Variants in LAMA4 observed in about 807,000 individuals in gnomAD.
LAMA4 encodes the protein laminin subunit alpha-4.
In LAMA4, 127 loss-of-function variants were observed where a neutral mutation model predicts 207.1. The observed-to-expected ratio is 0.61, with a 90% CI of 0.53 to 0.71. The LOEUF (loss-of-function observed/expected upper bound fraction) is 0.71. Among genes scored for constraint, LAMA4 ranks in the 30% least tolerant of loss-of-function variants. The pLI is 0.00. For synonymous variants in LAMA4, 761 were observed against 816.0 expected (o/e 0.93, Z 1.15); for missense variants, 2,093 against 2,246.5 (o/e 0.93, Z 1.38).
intron 14 of LAMA4, among the ~76,000 whole-genome samples, chr6:112,157,194 AT>A (rs1250325998): frequency 6.6e-6 from 1 of 152,120 alleles, no homozygotes. Flanking sequence ...ACAAGAAAAC[AT>A]TTTTTAAAAA....
In LAMA4 at chr6:112,158,845, G is replaced by A. The variant is rs1359737542; in HGVS notation, c.1704C>T (p.Ala568=). ...ASGIYAEIDG[A]KSELQVKLSN... ...ATAGTTTTACTTGTAGTTCACTTTT[G>A]GCTCCATCTATTTCTGCATAAATCC... Residue 568 remains alanine, a synonymous_variant, in exon 14 of 39, where the codon GCC becomes GCT. Transcript: ENST00000230538. 1.2e-6 allele frequency: 2 copies of A among 1,612,026 alleles called. No individual in the cohort carries two copies. Among genetic ancestry groups the A allele is most frequent in the Non-Finnish European group, 1.7e-6 (2 of 1,178,488 alleles).
intron 19 of LAMA4, among the ~76,000 whole-genome samples, chr6:112,142,901 G>C (rs1402619325): frequency 2.0e-5 from 3 of 152,162 alleles, no homozygotes; most frequent in Non-Finnish European, 4.4e-5. Flanking sequence ...TTTGTTGTGA[G>C]CATGAAATAC....
At chr6:112,250,546 C>T (rs980305566) in intron 2 of LAMA4, among the ~76,000 whole-genome samples, 15 of 152,120 alleles carry the variant, frequency 9.9e-5, no homozygotes, top group Non-Finnish European at 1.9e-4. Context: ...CCTCTTTTCC[C>T]CTCTGAGGGG....
intron 2 of LAMA4, among the ~76,000 whole-genome samples, chr6:112,250,577 G>T (rs1215336129): frequency 4.6e-5 from 7 of 152,170 alleles, no homozygotes; most frequent in African/African-American, 1.7e-4. Flanking sequence ...ACAACTCAAT[G>T]TTGTCAATTG....
chr6:112,148,226 A>C lies in LAMA4; in HGVS notation c.2284T>G (p.Trp762Gly). The change falls in exon 18 of 39, where the codon TGG becomes GGG. Residue 762 changes from tryptophan to glycine, a missense_variant. Physicochemically the swap from Trp to Gly is radical, Grantham distance 184 (BLOSUM62 -2). Around this residue, in one of 3 missense-constraint regions of LAMA4, gnomAD observed 1,704 missense variants for 1,788.4 expected, o/e 0.95. Transcript: ENST00000230538. ...TAPMANNLTN[W>G]SQNLQHFDSS... ...TCAAAATGTTGAAGATTCTGTGACC[A>C]GTTGGTTAGATTGTTGGCCATGGGG... 1 of 1,614,188 alleles carries C rather than the reference A, an allele frequency of 6.2e-7. No homozygotes were observed. Among genetic ancestry groups the C allele is most frequent in the Non-Finnish European group, 8.5e-7 (1 of 1,180,028 alleles).
intron 22 of LAMA4, among the ~76,000 whole-genome samples, chr6:112,140,539 G>T (rs1779629795): frequency 6.6e-6 from 1 of 152,166 alleles, no homozygotes; most frequent in Non-Finnish European, 1.5e-5. Flanking sequence ...CTGATCTTCA[G>T]GAGTTAGCTA....
intron 19 of LAMA4, among the ~76,000 whole-genome samples, chr6:112,144,270 T>C (rs1779883102): frequency 6.6e-6 from 1 of 152,250 alleles, no homozygotes; most frequent in South Asian, 2.1e-4. Context: ...TTTATTCCTC[T>C]TAGCCAGTAT....
At chr6:112,122,334 T>TC (rs1320098334) in intron 31 of LAMA4, 133 bp from the exon 32 acceptor site, 1 of 693,630 alleles carries the variant, frequency 1.4e-6, no homozygotes, top group Non-Finnish European at 2.5e-6. Context: ...GAACATTAGG[T>TC]CCCCTCTCTT....
Position 112,128,955 on chromosome 6 carries a change from A to T in LAMA4, c.4254T>A (p.Asn1418Lys), listed in dbSNP as rs782027854. The T allele has an allele frequency of 5.6e-6, 9 of 1,613,310 alleles. No homozygotes were observed. The Admixed American group carries it at 1.0e-4, about 18-fold the overall frequency. ...TCTGACTTGCTTTAGGCTTGGATAA[A>T]TTTTTTCCTTTTTTATGGAGGAGAA... ...PLFLLHKKGKNLSKPKASQNK... is the reference protein window; with the variant it reads ...PLFLLHKKGKKLSKPKASQNK... The change falls in exon 31 of 39, where the codon AAT becomes AAA. Residue 1418 changes from asparagine to lysine, a missense_variant. Physicochemically the swap from Asn to Lys is moderately conservative, Grantham distance 94. Transcript: ENST00000230538.
At chr6:112,152,800 G>C (rs1470407755) in intron 16 of LAMA4, among the ~76,000 whole-genome samples, 4 of 151,980 alleles carry the variant, frequency 2.6e-5, no homozygotes, top group African/African-American at 9.7e-5. Flanking sequence ...TGGGTAGTGT[G>C]AAGAATTTGC....
intron 8 of LAMA4, among the ~76,000 whole-genome samples, chr6:112,185,702 G>A (rs1335450337): frequency 6.6e-6 from 1 of 152,230 alleles, no homozygotes; most frequent in Admixed American, 6.5e-5. Context: ...AGGTCTGGAA[G>A]AACTGACCAA....
intron 21 of LAMA4, among the ~76,000 whole-genome samples, 199 bp downstream of exon 21, chr6:112,141,159 T>C (rs1270128573): frequency 6.6e-6 from 1 of 152,230 alleles, no homozygotes; most frequent in Non-Finnish European, 1.5e-5. Flanking sequence ...GACTTTTTTT[T>C]TTCTTTCCTA....
chr6:112,142,078 C>T, intron 20 of LAMA4, 41 bp downstream of exon 20: 1 of 1,609,632 alleles, frequency 6.2e-7, no homozygotes, highest in East Asian at 2.2e-5. Context: ...AGCAGCTTTC[C>T]TTGTAAATAT....
intron 3 of LAMA4, among the ~76,000 whole-genome samples, chr6:112,215,756 CGCACAAG>C (rs1784589318): frequency 6.6e-6 from 1 of 152,240 alleles, no homozygotes; most frequent in African/African-American, 2.4e-5. Flanking sequence ...CTCAATCTTT[CGCACAAG>C]GCTCTATCAT....
intron 24 of LAMA4, among the ~76,000 whole-genome samples, chr6:112,136,898 C>A (rs1438163836): frequency 2.6e-5 from 4 of 152,000 alleles, no homozygotes; most frequent in African/African-American, 9.7e-5. Context: ...TATTCAACTG[C>A]CTTGTCTTTA....
At chr6:112,123,172 C>T (rs1400226269) in intron 31 of LAMA4, among the ~76,000 whole-genome samples, 1 of 152,106 alleles carries the variant, frequency 6.6e-6, no homozygotes, top group Non-Finnish European at 1.5e-5. Context: ...CCTGCTCTGA[C>T]CCACCTAGGA....
At chr6:112,124,913 T>C (rs2032564) in intron 31 of LAMA4, among the ~76,000 whole-genome samples, 3 of 152,006 alleles carry the variant, frequency 2.0e-5, no homozygotes, top group Admixed American at 2.0e-4. Flanking sequence ...TGCGCCACCA[T>C]GCCCAGCCAA....
At chr6:112,157,519 C>G (rs1780790905) in intron 14 of LAMA4, among the ~76,000 whole-genome samples, 1 of 152,102 alleles carries the variant, frequency 6.6e-6, no homozygotes, top group Non-Finnish European at 1.5e-5. Context: ...AATATATAGT[C>G]AGAAATATTC....
rs111962729 is a variant in LAMA4, at chr6:112,154,682, G to A, written c.2056+169C>T. The A allele has an allele frequency of 1.3e-3, 827 of 631,080 alleles. 3 individuals carry two copies. In the African/African-American group the frequency reaches 0.014, roughly 11 times the overall value. 39.1% of individuals were successfully genotyped at this position (631,080 alleles called of 1,614,324 possible). ...TTTTTTTTTTCAATCACAATTTAAA[G>A]TATCAAATCTTTGCTCTTTTGTAAC... On this transcript the variant is annotated intron_variant, in intron 16 of 38. Transcript: ENST00000230538.
Sources: allele counts gnomAD v4.1 joint callset (sites outside exome capture counted in the v4.1 genomes callset), GRCh38; gene constraint gnomAD v4.1.1; regional missense constraint gnomAD v4.1.1; transcripts MANE v1.5; gene names NCBI Gene and HGNC (gene_info 2026-07-23, HGNC 2026-07-21).